Variants in CPED1 observed in about 807,000 individuals in gnomAD.
CPED1 encodes cadherin like and PC-esterase domain containing 1.
In CPED1, 114 loss-of-function variants were observed where a neutral mutation model predicts 128.2. The observed-to-expected ratio is 0.89, with a 90% CI of 0.76 to 1.04. CPED1 has a LOEUF of 1.04. CPED1 is among the 50% of genes least tolerant of loss of function. The pLI is 0.00. For synonymous variants in CPED1, 462 were observed against 426.7 expected (o/e 1.08, Z -1.02); for missense variants, 1,211 against 1,207.1 (o/e 1.00, Z -0.05).
chr7:121,062,236 G>A (rs1028189339), intron 4 of CPED1, among the ~76,000 whole-genome samples: 1 of 152,124 alleles, frequency 6.6e-6, no homozygotes, highest in Non-Finnish European at 1.5e-5. Flanking sequence ...TATTGTTAAG[G>A]ATTCTATTAA....
chr7:121,092,142 T>C (rs1794586216), intron 5 of CPED1, among the ~76,000 whole-genome samples: 1 of 152,202 alleles, frequency 6.6e-6, no homozygotes, highest in Non-Finnish European at 1.5e-5. Flanking sequence ...AGTTAATCTA[T>C]GAGCTGTGGA....
chr7:121,014,420 G>A (rs779057907), intron 2 of CPED1, among the ~76,000 whole-genome samples: 9 of 151,738 alleles, frequency 5.9e-5, no homozygotes, highest in Non-Finnish European at 1.0e-4. Context: ...GCGTGGTGGC[G>A]GGTGCCTGTA....
intron 17 of CPED1, among the ~76,000 whole-genome samples, chr7:121,240,440 A>C (rs149019545): frequency 1.3e-5 from 2 of 152,316 alleles, no homozygotes; most frequent in East Asian, 3.9e-4. Context: ...TGCCCTCAAC[A>C]TATCATTATC....
intron 3 of CPED1, among the ~76,000 whole-genome samples, chr7:121,032,004 G>A (rs1004219569): frequency 3.3e-5 from 5 of 152,084 alleles, no homozygotes; most frequent in Admixed American, 2.6e-4. Flanking sequence ...TGATGGTGAG[G>A]ATTCTGAGAA....
chr7:121,203,892 G>T (rs62469350), intron 16 of CPED1, among the ~76,000 whole-genome samples: 12 of 151,976 alleles, frequency 7.9e-5, no homozygotes, highest in African/African-American at 2.9e-4. Context: ...TCACATGGCA[G>T]GGTTGGCTCT....
At chr7:121,185,433 T>A (rs1796981213) in intron 16 of CPED1, among the ~76,000 whole-genome samples, 1 of 152,192 alleles carries the variant, frequency 6.6e-6, no homozygotes, top group African/African-American at 2.4e-5. Flanking sequence ...GTTTACATTT[T>A]AATTCTAAAA....
chr7:121,040,365 ACAAT>A (rs901170413), intron 3 of CPED1, among the ~76,000 whole-genome samples: 7 of 152,126 alleles, frequency 4.6e-5, no homozygotes, highest in African/African-American at 1.7e-4. Flanking sequence ...TCCTTAAAGA[ACAAT>A]CATAGATAAA....
chr7:121,257,432 G>T (rs531467015), intron 18 of CPED1, among the ~76,000 whole-genome samples: 8 of 152,152 alleles, frequency 5.3e-5, no homozygotes, highest in African/African-American at 1.4e-4. Flanking sequence ...TAATCTAAAA[G>T]TCTGTATTTG....
chr7:121,038,918 T>G (rs1195273526), intron 3 of CPED1, among the ~76,000 whole-genome samples: 1 of 152,116 alleles, frequency 6.6e-6, no homozygotes, highest in African/African-American at 2.4e-5. Flanking sequence ...GTCAAGAGTT[T>G]GTACTACCCA....
intron 16 of CPED1, among the ~76,000 whole-genome samples, chr7:121,166,980 A>G (rs1054539906): frequency 6.6e-6 from 1 of 152,140 alleles, no homozygotes; most frequent in African/African-American, 2.4e-5. Context: ...TTTGGGACAC[A>G]ACACACTTTG....
chr7:121,240,558 TTG>T (rs1245528396), intron 17 of CPED1, among the ~76,000 whole-genome samples: 1 of 151,894 alleles, frequency 6.6e-6, no homozygotes, highest in East Asian at 1.9e-4. Context: ...AACAATCAGT[TTG>T]TGAGTTTTCC....
chr7:121,061,996 G>A (rs925278910), intron 4 of CPED1, among the ~76,000 whole-genome samples: 3 of 152,132 alleles, frequency 2.0e-5, no homozygotes, highest in African/African-American at 7.2e-5. Flanking sequence ...CAGTCATGTC[G>A]TCAGCCACAC....
At chr7:121,241,912 T>A (rs13438018) in intron 17 of CPED1, among the ~76,000 whole-genome samples, 2,371 of 152,306 alleles carry the variant, frequency 0.016, 66 homozygotes, top group African/African-American at 0.054. Context: ...GTGAGTTTTA[T>A]CCTTGGCAGC....
intron 5 of CPED1, chr7:121,076,432 A>T (rs1027786178): frequency 2.0e-5 from 3 of 152,204 alleles, no homozygotes; most frequent in Non-Finnish European, 2.9e-5. Flanking sequence ...TTACCATTGC[A>T]GCTGAGAGAC....
At chr7:121,051,901 A>G (rs1243263378) in intron 4 of CPED1, 1 of 157,772 alleles carries the variant, frequency 6.3e-6, no homozygotes, top group African/African-American at 2.4e-5. Flanking sequence ...AAAAAGAATT[A>G]CAATACGTGG....
rs1426853470 is a variant in CPED1 at position 121,047,011 on chromosome 7, G to A, written c.540+18G>A. On this transcript the variant is annotated intron_variant, in intron 4 of 22. Coordinates refer to ENST00000310396, the MANE Select transcript of CPED1 (RefSeq NM_024913.5). ...ATCAAAAGGTAAATACTCTCAAGAT[G>A]TGCACAGATTTTATCAGCCCTACAG... 1.3e-6 allele frequency: 2 copies of A among 1,495,866 alleles called. No individual in the cohort carries two copies. The highest frequency in any genetic ancestry group is 1.4e-5 in the African/African-American group (1 of 72,444). The allele number at this position is 1,495,866 out of a possible 1,614,324, so 92.7% of individuals were successfully genotyped here.
chr7:121,159,693 A>G (rs959585222), intron 16 of CPED1, among the ~76,000 whole-genome samples: 1 of 152,148 alleles, frequency 6.6e-6, no homozygotes, highest in Non-Finnish European at 1.5e-5. Context: ...GTATCTTTTT[A>G]AAAACTCTAC....
intron 5 of CPED1, among the ~76,000 whole-genome samples, chr7:121,077,252 C>T (rs929220525): frequency 1.3e-5 from 2 of 151,998 alleles, no homozygotes; most frequent in African/African-American, 4.8e-5. Flanking sequence ...CTTTTTCTTT[C>T]CTGTATCCTT....
chr7:121,176,193 GAAA>G (rs34712656), intron 16 of CPED1, among the ~76,000 whole-genome samples: 196 of 62,014 alleles, frequency 3.2e-3, no homozygotes, highest in African/African-American at 0.013. Context: ...CTCCCCGCTG[GAAA>G]AAAAAAAAAA....
Sources: gnomAD v4.1 joint callset for allele counts (sites outside exome capture counted in the v4.1 genomes callset) on GRCh38, gnomAD v4.1.1 for gene constraint, MANE v1.5 for transcripts, NCBI Gene and HGNC (gene_info 2026-07-23, HGNC 2026-07-21) for gene names.